DGKI: variants seen among roughly 807,000 people sequenced by gnomAD.
DGKI encodes the protein diacylglycerol kinase iota.
In DGKI, 55 loss-of-function variants were observed where a neutral mutation model predicts 147.5. The observed-to-expected ratio is 0.37, with a 90% CI of 0.30 to 0.47. DGKI has a LOEUF of 0.47. Ranked by LOEUF, DGKI falls within the 20% of genes least tolerant of loss-of-function variation. The probability of loss-of-function intolerance (pLI) is 1.00; values close to 1 mark genes in which losing one functional copy is unlikely to be tolerated. For missense variants in DGKI, 1,007 were observed against 1,323.8 expected (o/e 0.76, Z 3.71); for synonymous variants, 469 against 477.1 (o/e 0.98, Z 0.22).
intron 1 of DGKI, among the ~76,000 whole-genome samples, chr7:137,809,292 G>C (rs771136728): frequency 6.6e-6 from 1 of 152,118 alleles, no homozygotes; most frequent in Non-Finnish European, 1.5e-5. Flanking sequence ...GATAATAATA[G>C]CTCATACTCA....
chr7:137,639,168 TCAATC>T (rs1258282903), intron 6 of DGKI, among the ~76,000 whole-genome samples: 2 of 152,198 alleles, frequency 1.3e-5, no homozygotes, highest in Non-Finnish European at 2.9e-5. Context: ...AGTTTATACT[TCAATC>T]AAATTCAGCA....
chr7:137,599,683 T>C (rs1285557505), intron 11 of DGKI, 140 bp downstream of exon 11: 3 of 673,258 alleles, frequency 4.5e-6, no homozygotes, highest in Non-Finnish European at 7.4e-6. Context: ...TTGGATGAAG[T>C]TTTAAAGGAA....
chr7:137,677,775 A>C (rs1048343362), intron 3 of DGKI, among the ~76,000 whole-genome samples: 6 of 152,214 alleles, frequency 3.9e-5, no homozygotes, highest in African/African-American at 1.4e-4. Context: ...AATTTCCCCA[A>C]ATAAGAAGGA....
At chr7:137,590,660 C>G (rs79990177) in intron 12 of DGKI, among the ~76,000 whole-genome samples, 2,941 of 152,250 alleles carry the variant, frequency 0.019, 95 homozygotes, top group African/African-American at 0.067. Flanking sequence ...AAGTACGTGA[C>G]GTATCCCACA....
chr7:137,819,050 G>A (rs1279894397), intron 1 of DGKI, among the ~76,000 whole-genome samples: 4 of 152,064 alleles, frequency 2.6e-5, no homozygotes, highest in African/African-American at 7.2e-5. Context: ...AAGGCTCTTC[G>A]ACAGATTAAG....
intron 1 of DGKI, among the ~76,000 whole-genome samples, chr7:137,837,063 G>A (rs776731255): frequency 3.9e-5 from 6 of 152,194 alleles, no homozygotes; most frequent in African/African-American, 7.2e-5. Flanking sequence ...ATGCAAATAT[G>A]GGCACAGATC....
At chr7:137,726,070 G>T (rs1794708953) in intron 1 of DGKI, among the ~76,000 whole-genome samples, 1 of 152,124 alleles carries the variant, frequency 6.6e-6, no homozygotes, top group African/African-American at 2.4e-5. Context: ...ATCTCCCACT[G>T]CCTGCTCTAT....
chr7:137,412,071 A>T, intron 29 of DGKI, 99 bp downstream of exon 29: 1 of 1,157,276 alleles, frequency 8.6e-7, no homozygotes, highest in South Asian at 1.3e-5. Flanking sequence ...CAAGCAGGGG[A>T]TGATAAATGA....
chr7:137,767,600 G>A (rs1172393864), intron 1 of DGKI, among the ~76,000 whole-genome samples: 3 of 151,554 alleles, frequency 2.0e-5, no homozygotes, highest in African/African-American at 4.9e-5. Context: ...GAGAAGAGAA[G>A]GAGAAGAGAT....
intron 19 of DGKI, among the ~76,000 whole-genome samples, chr7:137,564,084 G>T (rs1163682443): frequency 1.3e-5 from 2 of 152,056 alleles, no homozygotes; most frequent in South Asian, 2.1e-4. Context: ...CAATGGAACA[G>T]AATAGAATCT....
At chr7:137,534,897 AGAGTG>A (rs1275289093) in intron 20 of DGKI, among the ~76,000 whole-genome samples, 1 of 152,144 alleles carries the variant, frequency 6.6e-6, no homozygotes, top group Non-Finnish European at 1.5e-5. Flanking sequence ...TGAAGTTGTT[AGAGTG>A]GAGCCTAATC....
At chr7:137,417,197 T>C (rs1812392887) in intron 28 of DGKI, among the ~76,000 whole-genome samples, 1 of 152,194 alleles carries the variant, frequency 6.6e-6, no homozygotes, top group Non-Finnish European at 1.5e-5. Flanking sequence ...AAGGAAACAA[T>C]GCTCCAAAAT....
At chr7:137,708,407 A>C (rs1044471006) in intron 1 of DGKI, among the ~76,000 whole-genome samples, 2 of 152,150 alleles carry the variant, frequency 1.3e-5, no homozygotes, top group Non-Finnish European at 2.9e-5. Flanking sequence ...TGGAGGAATA[A>C]TTTTCTGATC....
chr7:137,442,454 A>G (rs1248748114), intron 28 of DGKI, among the ~76,000 whole-genome samples: 2 of 152,224 alleles, frequency 1.3e-5, no homozygotes, highest in African/African-American at 4.8e-5. Flanking sequence ...GAAGGCAAAG[A>G]CAACCAAAAG....
chr7:137,564,548 CA>C (rs1036111622), intron 19 of DGKI, among the ~76,000 whole-genome samples: 5 of 150,038 alleles, frequency 3.3e-5, no homozygotes, highest in African/African-American at 1.3e-4. Flanking sequence ...TTAAAATATG[CA>C]AAAAAACACA....
chr7:137,806,497 G>A lies in DGKI; in HGVS notation c.401+39965C>T, dbSNP rs956276062. Among the ~76,000 whole-genome samples the A allele has an allele frequency of 3.9e-5, 6 of 152,032 alleles. No individual in the cohort carries two copies. The East Asian group carries it at 7.7e-4, about 20-fold the overall frequency. On this transcript the variant is annotated intron_variant, in intron 1 of 32. Coordinates refer to ENST00000614521, the MANE Select transcript of DGKI (RefSeq NM_001321708.2). ...CACCCAGGCTGAAGTGCAGTGGTGC[G>A]ATCTTGGCTCACTGCAAGCTCCGCC... is the stretch of plus-strand genomic sequence containing the variant.
intron 14 of DGKI, among the ~76,000 whole-genome samples, chr7:137,582,434 C>CTCTCTCTCTATA (rs954743154): frequency 2.0e-5 from 3 of 148,384 alleles, no homozygotes; most frequent in African/African-American, 7.5e-5. Flanking sequence ...CTCTCTCTCT[C>CTCTCTCTCTATA]TATATATATA....
At chr7:137,803,234 G>C (rs1214472960) in intron 1 of DGKI, among the ~76,000 whole-genome samples, 1 of 152,148 alleles carries the variant, frequency 6.6e-6, no homozygotes, top group Non-Finnish European at 1.5e-5. Flanking sequence ...GAGGAGACCA[G>C]TTTTGCTGGG....
intron 14 of DGKI, among the ~76,000 whole-genome samples, chr7:137,582,987 C>T (rs1819258900): frequency 6.6e-6 from 1 of 152,106 alleles, no homozygotes; most frequent in African/African-American, 2.4e-5. Context: ...CTCAAGATTT[C>T]AAAAGTATGT....
Sources: allele counts gnomAD v4.1 joint callset (sites outside exome capture counted in the v4.1 genomes callset), GRCh38; gene constraint gnomAD v4.1.1; transcripts MANE v1.5; gene names NCBI Gene and HGNC (gene_info 2026-07-23, HGNC 2026-07-21).